Variants in RWDD3 observed in about 807,000 individuals in gnomAD.
RWDD3 encodes RWD domain-containing protein 3.
A neutral mutation model predicts 26.5 loss-of-function variants in RWDD3; 30 were observed. The observed-to-expected ratio is 1.13, with a 90% CI of 0.85 to 1.54. The LOEUF (loss-of-function observed/expected upper bound fraction) is 1.54. Ranked by LOEUF, RWDD3 falls within the 40% of genes most tolerant of loss-of-function variation. The pLI is 0.00. For missense variants in RWDD3, 296 were observed against 309.1 expected (o/e 0.96, Z 0.32); for synonymous variants, 113 against 114.5 (o/e 0.99, Z 0.09).
chr1:95,244,059 T>C, intron 1 of RWDD3, 152 bp from the exon 2 acceptor site: 1 of 1,182,388 alleles, frequency 8.5e-7, no homozygotes, highest in Non-Finnish European at 1.2e-6. Flanking sequence ...TTGTAAATCA[T>C]AGCTTTCCTA....
intron 2 of RWDD3, chr1:95,244,968 A>T (rs1680793057): frequency 5.4e-6 from 2 of 370,034 alleles, no homozygotes; most frequent in Non-Finnish European, 9.7e-6. Flanking sequence ...TCTGTGGCAC[A>T]TGAGTGTTTG....
chr1:95,239,298 C>A (rs944223365), intron 1 of RWDD3, among the ~76,000 whole-genome samples: 2 of 152,072 alleles, frequency 1.3e-5, no homozygotes, highest in Non-Finnish European at 2.9e-5. Context: ...ATAGGGGCAA[C>A]TTTGTTTTCT....
Position 95,244,261 on chromosome 1 carries a change from G to A in RWDD3, c.136G>A (p.Asp46Asn). 1.2e-6 allele frequency: 2 copies of A among 1,614,196 alleles called. No homozygotes were observed. Among genetic ancestry groups the A allele is most frequent in the Non-Finnish European group, 1.7e-6 (2 of 1,180,026 alleles). The change falls in exon 2 of 4, where the codon GAT (aspartate) becomes AAT (asparagine). Residue 46 changes from aspartate (D) to asparagine (N), a missense_variant. Coordinates refer to ENST00000370202, the MANE Select transcript of RWDD3 (RefSeq NM_015485.5). The stretch of plus-strand genomic sequence containing the variant: ...TCACACAAAAGCTGAAGGATTTATG[G>A]ATGTGGATATACCTCTGGAATTGGT... ...RIHTKAEGFM[D>N]VDIPLELVFH... is the part of the protein sequence containing the mutation.
At chr1:95,236,091 C>T (rs943515098) in intron 1 of RWDD3, among the ~76,000 whole-genome samples, 2 of 152,154 alleles carry the variant, frequency 1.3e-5, no homozygotes, top group East Asian at 1.9e-4. Context: ...TTTGGGAGGC[C>T]GAGGCGGGCA....
chr1:95,238,316 C>T lies in RWDD3; in HGVS notation c.85+4001C>T, dbSNP rs537161159. 7.2e-5 allele frequency among the ~76,000 whole-genome samples: 11 copies of T among 152,222 alleles called. No individual in the cohort carries two copies. The South Asian group carries it at 2.3e-3, about 32-fold the overall frequency. On this transcript the variant is annotated intron_variant, in intron 1 of 3. Transcript: ENST00000370202. ...TGAATCATGACTGTCACACATTGAC[C>T]CCTCTAAATCTGCTCAGCTCGGTTT...
At chr1:95,234,835 A>G (rs1680229552) in intron 1 of RWDD3, among the ~76,000 whole-genome samples, 1 of 151,732 alleles carries the variant, frequency 6.6e-6, no homozygotes, top group South Asian at 2.1e-4. Context: ...GAACTTTTTC[A>G]TTTATCCAGT....
intron 1 of RWDD3, among the ~76,000 whole-genome samples, chr1:95,240,800 A>T (rs1680585421): frequency 6.6e-6 from 1 of 151,834 alleles, no homozygotes; most frequent in South Asian, 2.1e-4. Context: ...GAAATTCTGG[A>T]GGACTTGTGG....
chr1:95,235,215 T>A (rs985503942), intron 1 of RWDD3, among the ~76,000 whole-genome samples: 12 of 148,118 alleles, frequency 8.1e-5, no homozygotes, highest in Non-Finnish European at 1.8e-4. Flanking sequence ...CCCGGCTAAT[T>A]TTTTGTATTT....
intron 1 of RWDD3, chr1:95,237,425 C>T (rs553496859): frequency 6.6e-6 from 1 of 152,232 alleles, no homozygotes; most frequent in Non-Finnish European, 1.5e-5. Context: ...CCCAGCAAGA[C>T]TCAGACTGCT....
chr1:95,246,955 T>C lies in RWDD3; in HGVS notation c.*85T>C. 3 of 749,816 alleles carry C rather than the reference T, an allele frequency of 4.0e-6. No homozygotes were observed. Among genetic ancestry groups the C allele is most frequent in the Non-Finnish European group, 6.1e-6 (3 of 493,422 alleles). The allele number at this position is 749,816 out of a possible 1,614,324, so 46.4% of individuals were successfully genotyped here. ...TTTGGGGAGTGGTTAATTGAAATAG[T>C]CAATTTTAAAGTTTCTCTGAAGCAA... On this transcript the variant is annotated 3_prime_UTR_variant, in exon 4 of 4. Transcript: ENST00000370202.
chr1:95,246,560 A>G lies in RWDD3; in HGVS notation c.592A>G (p.Lys198Glu), dbSNP rs747119222. The G allele has an allele frequency of 6.2e-7, 1 of 1,607,230 alleles. No individual in the cohort carries two copies. Among genetic ancestry groups the G allele is most frequent in the Admixed American group, 1.7e-5 (1 of 59,674 alleles). ...NNLKEYLILQ[K>E]TSKVDVDSSG... ...TATTTAGGAGTACTTGATTCTTCAG[A>G]AAACCTCCAAAGTAGATGTGGACTC... The change falls in exon 3 of 4, where the codon AAA (lysine) becomes GAA (glutamate). Residue 198 changes from lysine (K) to glutamate (E), a missense_variant. Lys to Glu is a moderately conservative substitution (Grantham distance 56). Coordinates refer to ENST00000370202, the MANE Select transcript of RWDD3 (RefSeq NM_015485.5).
rs1680865889 is a variant in RWDD3, at chr1:95,246,745, G to A, written c.690-11G>A. On this transcript the variant is annotated splice_polypyrimidine_tract_variant and intron_variant, in intron 3 of 3. Coordinates refer to ENST00000370202, the MANE Select transcript of RWDD3 (RefSeq NM_015485.5). Reference sequence around the variant, plus strand: ...CTAGGCATATTCATGAGTTTCTTTTGTATAATGCAGGTTTCTGGCATTTGA... The same window carrying A: ...CTAGGCATATTCATGAGTTTCTTTTATATAATGCAGGTTTCTGGCATTTGA... 3 of 1,550,152 alleles carry A rather than the reference G, an allele frequency of 1.9e-6. No individual in the cohort carries two copies. Among genetic ancestry groups the A allele is most frequent in the African/African-American group, 1.4e-5 (1 of 72,232 alleles).
Position 95,240,634 on chromosome 1 carries a change from G to T in RWDD3, c.86-3577G>T, listed in dbSNP as rs527895841. Among the ~76,000 whole-genome samples, 6 of 152,260 alleles carry T rather than the reference G, an allele frequency of 3.9e-5. No individual in the cohort carries two copies. The South Asian group carries it at 6.2e-4, about 16-fold the overall frequency. On this transcript the variant is annotated intron_variant, in intron 1 of 3. Transcript: ENST00000370202. ...AGTGAGGAGAGAGGAAGTCAGAGTG[G>T]TAGGCTGGCCCTAGGCGTTGCATGG...
In RWDD3 at chr1:95,244,386, A is replaced by C. The variant is rs533555519; in HGVS notation, c.261A>C (p.Leu87Phe). 6.2e-7 allele frequency: 1 copy of C among 1,614,212 alleles called. No individual in the cohort carries two copies. Among genetic ancestry groups the C allele is most frequent in the African/African-American group, 1.3e-5 (1 of 75,056 alleles). The change falls in exon 2 of 4, where the codon TTA becomes TTC. Residue 87 changes from leucine to phenylalanine, a missense_variant. By Grantham distance (22) the Leu-to-Phe change is conservative (BLOSUM62 0). Coordinates refer to ENST00000370202, the MANE Select transcript of RWDD3 (RefSeq NM_015485.5). ...RAQCVTVKEN[L>F]LEQAESLLSE... ...AGTGTGTGACTGTGAAAGAGAATTT[A>C]CTTGAGCAAGCAGAGAGCCTTTTGT...
At chr1:95,235,451 T>C (rs928512837) in intron 1 of RWDD3, among the ~76,000 whole-genome samples, 84 of 120,302 alleles carry the variant, frequency 7.0e-4, no homozygotes, top group East Asian at 2.9e-3. Flanking sequence ...CTCCACCTCC[T>C]GGGTTCACAC....
intron 2 of RWDD3, among the ~76,000 whole-genome samples, chr1:95,245,183 A>G (rs570569361): frequency 6.6e-6 from 1 of 152,166 alleles, no homozygotes; most frequent in Non-Finnish European, 1.5e-5. Flanking sequence ...GTCTGTTATA[A>G]CCGAGATTTC....
chr1:95,234,742 T>G (rs1422495309), intron 1 of RWDD3, among the ~76,000 whole-genome samples: 1 of 151,854 alleles, frequency 6.6e-6, no homozygotes, highest in African/African-American at 2.4e-5. Context: ...CGGGTATTTG[T>G]AGGTCTTAAG....
chr1:95,239,886 G>A (rs1680534823), intron 1 of RWDD3: 1 of 1,289,778 alleles, frequency 7.8e-7, no homozygotes, highest in South Asian at 1.2e-5. Context: ...CTTTCCTGTG[G>A]TTCCCTGCAC....
chr1:95,247,175 A>C lies in RWDD3; in HGVS notation c.*305A>C, dbSNP rs1301307267. On this transcript the variant is annotated 3_prime_UTR_variant, in exon 4 of 4. Transcript: ENST00000370202. ...TTATAGACAATATTTGTTTGAAACT[A>C]TGTAATTTTCTGGCTAATTTTCTTG... 5.6e-6 allele frequency: 1 copy of C among 177,212 alleles called. No homozygotes were observed. Among genetic ancestry groups the C allele is most frequent in the African/African-American group, 2.3e-5 (1 of 42,586 alleles). 11.0% of individuals were successfully genotyped at this position (177,212 alleles called of 1,614,324 possible).
Sources: gnomAD v4.1 joint callset for allele counts (sites outside exome capture counted in the v4.1 genomes callset) on GRCh38, gnomAD v4.1.1 for gene constraint, MANE v1.5 for transcripts, NCBI Gene and HGNC (gene_info 2026-07-23, HGNC 2026-07-21) for gene names.